The following GABRB3 variants were observed in gnomAD, a reference collection of about 807,000 sequenced individuals.
The protein encoded by GABRB3 is gamma-aminobutyric acid type A receptor subunit beta3.
Under a neutral mutation model 52.1 loss-of-function variants are expected in GABRB3, and 14 were observed. That is an observed-to-expected ratio of 0.27 (90% CI 0.18 to 0.42). The LOEUF (loss-of-function observed/expected upper bound fraction) is 0.42. GABRB3 is among the 10% of genes least tolerant of loss of function. The pLI is 1.00. For missense variants in GABRB3, 307 were observed against 609.1 expected, an observed-to-expected ratio of 0.50 and a Z score of 5.22; for synonymous variants, 260 against 232.3, an observed-to-expected ratio of 1.12 and a Z score of -1.08.
intron 4 of GABRB3, among the ~76,000 whole-genome samples, chr15:26,619,318 C>T (rs375006324): frequency 6.6e-6 from 1 of 151,580 alleles, no homozygotes; most frequent in Non-Finnish European, 1.5e-5. Flanking sequence ...CACATATACA[C>T]CATGGAATAC....
At chr15:26,667,352 C>T (rs1019807414) in intron 3 of GABRB3, among the ~76,000 whole-genome samples, 2 of 152,040 alleles carry the variant, frequency 1.3e-5, no homozygotes, top group Non-Finnish European at 1.5e-5. Context: ...TGACACAGTC[C>T]GGGACATTTT....
chr15:26,709,203 C>T (rs1035370329), intron 3 of GABRB3, among the ~76,000 whole-genome samples: 1 of 152,182 alleles, frequency 6.6e-6, no homozygotes, highest in African/African-American at 2.4e-5. Context: ...TTATGTTGAA[C>T]TTTGATTCCC....
At chr15:26,584,108 C>T (rs6576585) in intron 4 of GABRB3, among the ~76,000 whole-genome samples, 25,318 of 151,980 alleles carry the variant, frequency 0.17, 2,202 homozygotes, top group African/African-American at 0.22. Flanking sequence ...TTGTGTGTGA[C>T]GAAAATGCAA....
intron 6 of GABRB3, chr15:26,569,187 T>C (rs1184127986): frequency 6.6e-6 from 1 of 152,288 alleles, no homozygotes; most frequent in African/African-American, 2.4e-5. Context: ...GGCAGTCTGA[T>C]TCACTCGTAT....
intron 4 of GABRB3, among the ~76,000 whole-genome samples, chr15:26,616,647 A>T (rs1892268553): frequency 6.6e-6 from 1 of 151,548 alleles, no homozygotes; most frequent in Admixed American, 6.6e-5. Context: ...CCATTTATTG[A>T]TTTAAGAGGC....
At chr15:26,687,483 T>TTCTCTTCC (rs943156245) in intron 3 of GABRB3, among the ~76,000 whole-genome samples, 2 of 152,084 alleles carry the variant, frequency 1.3e-5, no homozygotes, top group Non-Finnish European at 2.9e-5. Flanking sequence ...ATGCTTCTCT[T>TTCTCTTCC]TCTCTTCCTC....
chr15:26,664,437 G>A (rs1385951120), intron 3 of GABRB3, among the ~76,000 whole-genome samples: 2 of 152,080 alleles, frequency 1.3e-5, no homozygotes, highest in Non-Finnish European at 2.9e-5. Flanking sequence ...AGAGGGATAC[G>A]CCATGTTGGC....
intron 6 of GABRB3, among the ~76,000 whole-genome samples, chr15:26,572,482 T>G (rs1890444286): frequency 6.6e-6 from 1 of 152,202 alleles, no homozygotes; most frequent in Admixed American, 6.5e-5. Flanking sequence ...ACCCAAGAAT[T>G]ATCTGACGTA....
chr15:26,732,600 G>A (rs1346453550), intron 3 of GABRB3, among the ~76,000 whole-genome samples: 2 of 149,402 alleles, frequency 1.3e-5, no homozygotes, highest in East Asian at 4.0e-4. Context: ...ATGGAGTCTT[G>A]CTCTGTTGCC....
chr15:26,664,318 T>C (rs1887636532), intron 3 of GABRB3, among the ~76,000 whole-genome samples: 1 of 152,208 alleles, frequency 6.6e-6, no homozygotes, highest in African/African-American at 2.4e-5. Flanking sequence ...GTTTCAATCT[T>C]CAAACATACT....
At chr15:26,564,009 G>C (rs536107488) in intron 7 of GABRB3, among the ~76,000 whole-genome samples, 2 of 152,032 alleles carry the variant, frequency 1.3e-5, no homozygotes, top group Non-Finnish European at 2.9e-5. Flanking sequence ...ATCAGTATAC[G>C]TTTTTACCTT....
chr15:26,704,319 A>G (rs1889028369), intron 3 of GABRB3, among the ~76,000 whole-genome samples: 1 of 152,200 alleles, frequency 6.6e-6, no homozygotes, highest in East Asian at 1.9e-4. Context: ...CCCTGCATCC[A>G]TTCTGCCATC....
intron 3 of GABRB3, among the ~76,000 whole-genome samples, chr15:26,664,576 A>G (rs995523529): frequency 1.3e-5 from 2 of 151,690 alleles, no homozygotes; most frequent in Non-Finnish European, 2.9e-5. Flanking sequence ...TATTATGGGT[A>G]CCTCATAGTT....
At chr15:26,617,004 A>G (rs1049050542) in intron 4 of GABRB3, among the ~76,000 whole-genome samples, 1 of 152,282 alleles carries the variant, frequency 6.6e-6, no homozygotes, top group South Asian at 2.1e-4. Flanking sequence ...ATCCATCGAC[A>G]CATACACTCT....
rs758378648 is a variant in GABRB3 at position 26,621,427 on chromosome 15, T to C, written c.348A>G (p.Leu116=). Residue 116 remains leucine (L), a synonymous_variant, in exon 4 of 9, where the codon CTA becomes CTG. Transcript: ENST00000311550. The surrounding 1 kb of genome is among the most constrained non-coding windows in gnomAD (Gnocchi z 4.1). ...LTLDNRVADQ[L]WVPDTYFLND... ...TTAAGAAATATGTGTCGGGCACCCA[T>C]AGCTGGTCAGCCACTCGATTGTCAA... The C allele has an allele frequency of 8.1e-6, 13 of 1,614,060 alleles. No homozygotes were observed. Among genetic ancestry groups the C allele is most frequent in the Middle Eastern group, 3.3e-4 (2 of 6,084 alleles).
intron 3 of GABRB3, chr15:26,771,940 T>G (rs1891156617): frequency 6.3e-6 from 1 of 158,524 alleles, no homozygotes; most frequent in Non-Finnish European, 1.4e-5. Flanking sequence ...TCGTTCCCCT[T>G]TCCTGCAGCC....
At chr15:26,635,084 G>GTT (rs1439017591) in intron 3 of GABRB3, among the ~76,000 whole-genome samples, 2 of 145,816 alleles carry the variant, frequency 1.4e-5, no homozygotes, top group African/African-American at 5.1e-5. Flanking sequence ...CAAAGCCATA[G>GTT]TTTTATTTTC....
At chr15:26,653,445 A>G (rs1595510313) in intron 3 of GABRB3, among the ~76,000 whole-genome samples, 1 of 152,134 alleles carries the variant, frequency 6.6e-6, no homozygotes, top group African/African-American at 2.4e-5. Flanking sequence ...AGCAAGAAGA[A>G]TCCACTTCAA....
chr15:26,648,384 G>A (rs1887079683), intron 3 of GABRB3, among the ~76,000 whole-genome samples: 2 of 152,242 alleles, frequency 1.3e-5, no homozygotes, highest in South Asian at 2.1e-4. Context: ...GTAATTTGGA[G>A]GTGCCTGTGG....
Sources: gnomAD v4.1 joint callset for allele counts (sites outside exome capture counted in the v4.1 genomes callset) on GRCh38, gnomAD v4.1.1 for gene constraint, Gnocchi (gnomAD v3.1) non-coding constraint, MANE v1.5 for transcripts, NCBI Gene and HGNC (gene_info 2026-07-23, HGNC 2026-07-21) for gene names.